The following BRF1 variants were observed in gnomAD, a reference collection of about 807,000 sequenced individuals.
BRF1 encodes transcription factor IIIB 90 kDa subunit.
In BRF1, 59 loss-of-function variants were observed where a neutral mutation model predicts 81.7. The observed-to-expected ratio is 0.72, with a 90% confidence interval of 0.59 to 0.90. The LOEUF is 0.90. Among genes scored for constraint, BRF1 ranks in the 40% least tolerant of loss-of-function variants. The pLI, the probability that BRF1 is intolerant of heterozygous loss-of-function variation, is 0.00. For missense variants in BRF1, 1,050 were observed against 936.3 expected (o/e 1.12, Z -1.58); for synonymous variants, 491 against 395.6 (o/e 1.24, Z -2.86).
chr14:105,310,387 A>G (rs587728383), intron 1 of BRF1, among the ~76,000 whole-genome samples: 11 of 151,948 alleles, frequency 7.2e-5, no homozygotes, highest in African/African-American at 2.4e-4. Flanking sequence ...AAAATTAGCC[A>G]GGCGTGGTGG....
At chr14:105,300,356 C>T in intron 1 of BRF1, 90 bp downstream of exon 1, 3 of 1,339,246 alleles carry the variant, frequency 2.2e-6, no homozygotes, top group Non-Finnish European at 2.9e-6. Flanking sequence ...CGTGCGGTAC[C>T]GAGGCGCTGG....
At chr14:105,211,917 C>T (rs986914247) in intron 16 of BRF1, 196 bp downstream of exon 16, 74 of 742,812 alleles carry the variant, frequency 1.0e-4, no homozygotes, top group Middle Eastern at 3.8e-4. Flanking sequence ...ACTTCCTGCC[C>T]GCTCCTGCTC....
At chr14:105,308,481 CTTTT>C (rs1227708197) in intron 1 of BRF1, among the ~76,000 whole-genome samples, 2 of 124,576 alleles carry the variant, frequency 1.6e-5, no homozygotes, top group Admixed American at 8.1e-5. Context: ...CAGATTCTGT[CTTTT>C]TTTTTTTTTT....
At chr14:105,219,901 TGGGG>T in intron 12 of BRF1, 164 bp downstream of exon 12, 1 of 676,472 alleles carries the variant, frequency 1.5e-6, no homozygotes, top group Non-Finnish European at 2.4e-6. Flanking sequence ...GAAGAGAGTG[TGGGG>T]GGGGGTCCCG....
rs1595221690 is a variant in BRF1 at position 105,210,585 on chromosome 14, T to C, written c.2000A>G (p.Tyr667Cys). Residue 667 changes from tyrosine (Y) to cysteine (C), a missense_variant, in exon 18 of 18, where the codon TAT becomes TGT. By Grantham distance (194) the Tyr-to-Cys change is radical. Coordinates refer to ENST00000547530, the MANE Select transcript of BRF1 (RefSeq NM_001519.4). The surrounding 1 kb of genome is among the most constrained non-coding windows in gnomAD (Gnocchi z 4.7). ...GTCGTCCTCATCGCCATCACAGCCA[T>C]AGTCTGCAGAAGAGCACAGTCATGA... Reference protein sequence around the residue: ...SALQMMGSNDYGCDGDEDDGY With the variant: ...SALQMMGSNDCGCDGDEDDGY 1 of 1,611,460 alleles carries C rather than the reference T, an allele frequency of 6.2e-7. No individual in the cohort carries two copies. The highest frequency in any genetic ancestry group is 1.1e-5 in the South Asian group (1 of 91,040).
In BRF1 at chr14:105,284,843, G is replaced by A. The variant is rs11849561; in HGVS notation, c.265+1453C>T. On this transcript the variant is annotated intron_variant, in intron 2 of 17. Transcript: ENST00000547530. This position sits in a 1 kb window ranked among gnomAD's most constrained non-coding sequence, Gnocchi z 4.0. ...CTAGACTAGAAAGGAAAGATAACAC[G>A]ATCTTGTACCGAAAATCCTAAGTGA... Among the ~76,000 whole-genome samples the A allele has an allele frequency of 0.01, 1,538 of 152,168 alleles. 29 individuals carry two copies. Among genetic ancestry groups the A allele is most frequent in the African/African-American group, 0.035 (1,470 of 41,490 alleles).
rs138234161 is a variant in BRF1 at position 105,226,682 on chromosome 14, G to A, written c.867C>T (p.Cys289=). 932 of 1,613,508 alleles carry A rather than the reference G, an allele frequency of 5.8e-4. 8 individuals are homozygous for A. The East Asian group carries it at 0.02, about 34-fold the overall frequency. The change falls in exon 8 of 18, where the codon TGC becomes TGT. Residue 289 remains cysteine (C), a synonymous_variant. Coordinates refer to ENST00000547530, the MANE Select transcript of BRF1 (RefSeq NM_001519.4). The part of the protein sequence containing the change: ...EFMKIDLEEE[C]DPPSYTAGQR... ...GCCCAGCTGTGTACGAGGGGGGGTC[G>A]CACTCCTCCTCCAGGTCGATCTTCA...
intron 1 of BRF1, among the ~76,000 whole-genome samples, chr14:105,293,091 T>C (rs2057589233): frequency 6.6e-6 from 1 of 152,118 alleles, no homozygotes. Context: ...CTGGGGGTCA[T>C]GGAGCAGAGG....
chr14:105,278,424 G>T (rs2056933075), intron 2 of BRF1, among the ~76,000 whole-genome samples: 1 of 138,094 alleles, frequency 7.2e-6, no homozygotes, highest in Non-Finnish European at 1.5e-5. Context: ...AAGAGAGCGA[G>T]ACCCTGTCTC....
chr14:105,221,135 C>T (rs2141478835), intron 11 of BRF1, among the ~76,000 whole-genome samples: 1 of 152,360 alleles, frequency 6.6e-6, no homozygotes, highest in South Asian at 2.1e-4. Context: ...GCCAGGGAAG[C>T]CTGTCCTGGC....
intron 5 of BRF1, among the ~76,000 whole-genome samples, chr14:105,243,287 A>AC (rs2054842012): frequency 6.8e-6 from 1 of 146,718 alleles, no homozygotes; most frequent in South Asian, 2.1e-4. Flanking sequence ...CTAAAATACA[A>AC]AAAAAAAAAA....
chr14:105,243,722 A>C (rs1293914524), intron 5 of BRF1, among the ~76,000 whole-genome samples: 4 of 152,132 alleles, frequency 2.6e-5, no homozygotes, highest in Non-Finnish European at 4.4e-5. Context: ...ACGGCTGGGC[A>C]CAGTGGCTCA....
At chr14:105,310,179 C>G (rs2058310297) in intron 1 of BRF1, among the ~76,000 whole-genome samples, 1 of 151,952 alleles carries the variant, frequency 6.6e-6, no homozygotes, top group Non-Finnish European at 1.5e-5. Context: ...AACCATTTTC[C>G]ACTGGGAATT....
chr14:105,255,660 G>A (rs762752354), intron 4 of BRF1, among the ~76,000 whole-genome samples: 1 of 152,168 alleles, frequency 6.6e-6, no homozygotes, highest in Non-Finnish European at 1.5e-5. Context: ...GCAGAGCCTC[G>A]GTGCCCCCAC....
intron 16 of BRF1, chr14:105,211,775 G>T: frequency 2.3e-6 from 1 of 438,098 alleles, no homozygotes; most frequent in Non-Finnish European, 4.2e-6. Context: ...AGACCCCTGA[G>T]CCCTGGAGGG....
chr14:105,296,868 C>T (rs2057768700), intron 1 of BRF1, among the ~76,000 whole-genome samples: 1 of 151,974 alleles, frequency 6.6e-6, no homozygotes, highest in Non-Finnish European at 1.5e-5. Context: ...TAAAAAATGT[C>T]CAGAGGGCCA....
chr14:105,248,158 G>A (rs762461192), intron 5 of BRF1: 109 of 985,340 alleles, frequency 1.1e-4, no homozygotes, highest in Non-Finnish European at 1.3e-4. Flanking sequence ...AGTGGACCGC[G>A]CTCTCTGCAA....
chr14:105,250,906 C>G (rs2055570097), intron 5 of BRF1: 2 of 549,720 alleles, frequency 3.6e-6, no homozygotes, highest in African/African-American at 1.9e-5. Context: ...ATTTACGGCT[C>G]AAGACAGGCC....
chr14:105,308,964 AC>A (rs934094599), intron 1 of BRF1, among the ~76,000 whole-genome samples: 31 of 151,974 alleles, frequency 2.0e-4, no homozygotes, highest in African/African-American at 7.5e-4. Context: ...ACAGAGCAAG[AC>A]CCTGTCAAGA....
Sources: allele counts gnomAD v4.1 joint callset (sites outside exome capture counted in the v4.1 genomes callset), GRCh38; gene constraint gnomAD v4.1.1; non-coding constraint Gnocchi (gnomAD v3.1); transcripts MANE v1.5; gene names NCBI Gene and HGNC (gene_info 2026-07-23, HGNC 2026-07-21).